RYR2: variants seen among roughly 807,000 people sequenced by gnomAD.
RYR2 encodes the protein ryanodine receptor 2.
A neutral mutation model predicts 601.1 loss-of-function variants in RYR2; 227 were observed. That is an observed-to-expected ratio of 0.38 (90% CI 0.34 to 0.42). The LOEUF (loss-of-function observed/expected upper bound fraction) is 0.42, where lower values mean the gene tolerates loss of function less well. RYR2 is among the 10% of genes least tolerant of loss of function. The pLI, the probability that RYR2 is intolerant of heterozygous loss-of-function variation, is 1.00. For missense variants in RYR2, 4,646 were observed against 6,156.5 expected, an observed-to-expected ratio of 0.75 and a Z score of 8.21; for synonymous variants, 2,223 against 2,175.1, an observed-to-expected ratio of 1.02 and a Z score of -0.61.
chr1:237,208,967 TA>T (rs1682186882), intron 1 of RYR2, among the ~76,000 whole-genome samples: 1 of 108,392 alleles, frequency 9.2e-6, no homozygotes, highest in Admixed American at 1.0e-4. Context: ...TATATATATA[TA>T]TATATATATA....
At chr1:237,733,032 T>C (rs1690826620) in intron 78 of RYR2, among the ~76,000 whole-genome samples, 1 of 152,182 alleles carries the variant, frequency 6.6e-6, no homozygotes, top group Non-Finnish European at 1.5e-5. Context: ...CTCTCTCTTA[T>C]TATTTCCTAA....
chr1:237,454,304 AG>A, intron 14 of RYR2, 86 bp from the exon 15 acceptor site: 5 of 1,331,506 alleles, frequency 3.8e-6, no homozygotes, highest in Non-Finnish European at 4.1e-6. Context: ...GTAGGGAGAG[AG>A]ATTAATGCCT....
intron 23 of RYR2, among the ~76,000 whole-genome samples, chr1:237,508,984 C>T (rs1019687201): frequency 6.6e-6 from 1 of 151,668 alleles, no homozygotes; most frequent in African/African-American, 2.4e-5. Flanking sequence ...CCTCGTGATC[C>T]GCCCGCCTCG....
intron 11 of RYR2, 85 bp from the exon 12 acceptor site, chr1:237,423,007 T>A: frequency 6.9e-7 from 1 of 1,447,348 alleles, no homozygotes; most frequent in Non-Finnish European, 9.3e-7. Context: ...TATATATGAC[T>A]GTTCATTGTC....
intron 1 of RYR2, among the ~76,000 whole-genome samples, chr1:237,237,179 C>T (rs1343714840): frequency 6.6e-6 from 1 of 152,158 alleles, no homozygotes; most frequent in Non-Finnish European, 1.5e-5. Context: ...GTCAATTAAA[C>T]CTCTTACCTT....
chr1:237,042,919 G>T (rs907612084), intron 1 of RYR2, among the ~76,000 whole-genome samples: 7 of 152,160 alleles, frequency 4.6e-5, no homozygotes, highest in Admixed American at 2.0e-4. Flanking sequence ...TGGTGGCACG[G>T]CTGGGACCTC....
intron 1 of RYR2, among the ~76,000 whole-genome samples, chr1:237,126,194 G>A (rs1171241406): frequency 3.3e-5 from 5 of 150,622 alleles, no homozygotes; most frequent in African/African-American, 1.2e-4. Flanking sequence ...CCGAGATCAT[G>A]CCACTGTACT....
intron 1 of RYR2, among the ~76,000 whole-genome samples, chr1:237,188,030 G>T (rs1045047672): frequency 2.0e-5 from 3 of 152,102 alleles, no homozygotes; most frequent in South Asian, 2.1e-4. Flanking sequence ...CACTAAAGCG[G>T]CATGACTCAG....
chr1:237,502,265 A>G (rs1664716556), intron 21 of RYR2, among the ~76,000 whole-genome samples: 1 of 152,226 alleles, frequency 6.6e-6, no homozygotes, highest in South Asian at 2.1e-4. Context: ...GTGTTTTTCA[A>G]TGGAACTCAG....
chr1:237,582,416 C>CT (rs371748176), intron 29 of RYR2, among the ~76,000 whole-genome samples: 77 of 142,448 alleles, frequency 5.4e-4, no homozygotes, highest in East Asian at 1.7e-3. Context: ...GGCTAGCATT[C>CT]TTTAAAAAAA....
At chr1:237,110,222 A>G (rs531844464) in intron 1 of RYR2, among the ~76,000 whole-genome samples, 1 of 152,134 alleles carries the variant, frequency 6.6e-6, no homozygotes, top group Non-Finnish European at 1.5e-5. Flanking sequence ...CTCTGGCCCC[A>G]GAGTTTCTGA....
intron 62 of RYR2, 57 bp from the exon 63 acceptor site, chr1:237,687,398 C>CCTTTTTT: frequency 3.0e-6 from 1 of 328,478 alleles, no homozygotes; most frequent in South Asian, 4.7e-5. Context: ...TTCCCCCTGT[C>CCTTTTTT]TTTTCTACCT....
At chr1:237,822,622 TAATGGGCAGAATAACC>T (rs1218369993) in intron 101 of RYR2, among the ~76,000 whole-genome samples, 1 of 152,164 alleles carries the variant, frequency 6.6e-6, no homozygotes, top group Non-Finnish European at 1.5e-5. Flanking sequence ...CTGCATCAAC[TAATGGGCAGAATAACC>T]AGCTGGCATC....
At chr1:237,441,583 A>T in intron 13 of RYR2, 100 bp downstream of exon 13, 1 of 1,173,104 alleles carries the variant, frequency 8.5e-7, no homozygotes, top group Non-Finnish European at 1.2e-6. Flanking sequence ...TCACCTGCAA[A>T]AGTTCATAAT....
intron 56 of RYR2, among the ~76,000 whole-genome samples, chr1:237,665,564 A>C (rs2148868463): frequency 6.6e-6 from 1 of 152,284 alleles, no homozygotes; most frequent in Non-Finnish European, 1.5e-5. Flanking sequence ...ATGCTCAAAA[A>C]ACAGCAGTGA....
chr1:237,199,565 C>T (rs570724253), intron 1 of RYR2, among the ~76,000 whole-genome samples: 25 of 152,286 alleles, frequency 1.6e-4, no homozygotes, highest in Admixed American at 1.0e-3. Flanking sequence ...GGTGCCCACC[C>T]GGATTGAGGA....
rs140040948 is a variant in RYR2, at chr1:237,222,694, A to G, written c.49-47803A>G. ...AAAGCTAGGATTTTAGATTGGGGGA[A>G]ATTTCCTACTAGTAGTCCAGTAGTA... On this transcript the variant is annotated intron_variant, in intron 1 of 104. Transcript: ENST00000366574. 4.0e-3 allele frequency among the ~76,000 whole-genome samples: 615 copies of G among 152,256 alleles called. 2 individuals are homozygous for G. The highest frequency in any genetic ancestry group is 0.014 in the African/African-American group (574 of 41,534).
At chr1:237,596,834 G>A (rs747605054) in intron 34 of RYR2, among the ~76,000 whole-genome samples, 2 of 152,178 alleles carry the variant, frequency 1.3e-5, no homozygotes, top group South Asian at 2.1e-4. Flanking sequence ...AACCTTGAAG[G>A]CTAGGGAAAT....
At chr1:237,214,273 G>A (rs181115708) in intron 1 of RYR2, among the ~76,000 whole-genome samples, 1 of 152,104 alleles carries the variant, frequency 6.6e-6, no homozygotes, top group Admixed American at 6.6e-5. Context: ...TTAGTATATT[G>A]TCTTAGTCCA....
Sources: allele counts gnomAD v4.1 joint callset (sites outside exome capture counted in the v4.1 genomes callset), GRCh38; gene constraint gnomAD v4.1.1; transcripts MANE v1.5; gene names NCBI Gene and HGNC (gene_info 2026-07-23, HGNC 2026-07-21).